Variants in ZNF248 observed in about 807,000 individuals in gnomAD.
ZNF248 encodes KRAB protein domain.
Under a neutral mutation model 44.3 loss-of-function variants are expected in ZNF248, and 20 were observed. The observed-to-expected ratio is 0.45, with a 90% confidence interval of 0.32 to 0.66. The LOEUF is 0.66. Among genes scored for constraint, ZNF248 ranks in the 30% least tolerant of loss-of-function variants. The pLI is 0.04. For synonymous variants in ZNF248, 224 were observed against 229.0 expected (o/e 0.98, Z 0.20); for missense variants, 654 against 677.0 (o/e 0.97, Z 0.38).
At chr10:37,803,525 GC>G (rs2050095005) in intron 6 of ZNF248, 1 of 152,240 alleles carries the variant, frequency 6.6e-6, no homozygotes, top group African/African-American at 2.4e-5. Flanking sequence ...GTACAGGAGT[GC>G]CAAGAATGTC....
At chr10:37,782,998 G>A (rs1245463252) in intron 6 of ZNF248, among the ~76,000 whole-genome samples, 2 of 152,132 alleles carry the variant, frequency 1.3e-5, no homozygotes, top group African/African-American at 4.8e-5. Context: ...ACCAAACCTG[G>A]AAGGCCCTAG....
chr10:37,769,929 A>C, the ZNF248 span, among the ~76,000 whole-genome samples: 2 of 152,232 alleles, frequency 1.3e-5, no homozygotes, highest in African/African-American at 2.4e-5. Flanking sequence ...GCAAGGTCTC[A>C]GGATACAAAA....
rs1186551495 is a variant in ZNF248, at chr10:37,820,441, A to C, written c.330+12584T>G. 6 of 1,574,560 alleles carry C rather than the reference A, an allele frequency of 3.8e-6. 1 individual carries two copies. In the South Asian group the frequency reaches 5.5e-5, roughly 15 times the overall value. On this transcript the variant is annotated intron_variant, in intron 6 of 6. Transcript: ENST00000615949. ...ACTGCTCCTCCGTTGCCTCCTTTGC[A>C]GTGCTGCCATCTAAACCACAGAGGG...
At chr10:37,803,213 C>T (rs2050043242) in intron 6 of ZNF248, 1 of 152,140 alleles carries the variant, frequency 6.6e-6, no homozygotes, top group African/African-American at 2.4e-5. Context: ...CTTTATACAA[C>T]ACTGTCACTT....
At chr10:37,817,125 C>T (rs2052611030) in intron 6 of ZNF248, among the ~76,000 whole-genome samples, 1 of 152,126 alleles carries the variant, frequency 6.6e-6, no homozygotes, top group Non-Finnish European at 1.5e-5. Flanking sequence ...GTAGATGCCA[C>T]TGCCCTCAAA....
intron 5 of ZNF248, among the ~76,000 whole-genome samples, chr10:37,835,005 C>T (rs2056819666): frequency 6.6e-6 from 1 of 151,754 alleles, no homozygotes; most frequent in East Asian, 1.9e-4. Context: ...AAAGTCAGCC[C>T]TTGACACAAA....
chr10:37,780,710 C>G (rs964665993), intron 6 of ZNF248, among the ~76,000 whole-genome samples: 119 of 152,244 alleles, frequency 7.8e-4, no homozygotes, highest in African/African-American at 2.5e-3. Context: ...TGGACGCGCG[C>G]GCACGTGCCC....
intron 5 of ZNF248, among the ~76,000 whole-genome samples, chr10:37,835,673 A>T (rs2134026705): frequency 6.6e-6 from 1 of 152,276 alleles, no homozygotes; most frequent in Non-Finnish European, 1.5e-5. Flanking sequence ...GGAGAACGAG[A>T]AGGAATAAGG....
At chr10:37,819,606 C>CGATACGTAGCA in intron 6 of ZNF248, 1 of 844,308 alleles carries the variant, frequency 1.2e-6, no homozygotes, top group South Asian at 1.3e-5. Context: ...TTTAGTTCCC[C>CGATACGTAGCA]GATACGTAGA....
At chr10:37,847,313 T>G (rs2059488810) in intron 3 of ZNF248, among the ~76,000 whole-genome samples, 1 of 152,178 alleles carries the variant, frequency 6.6e-6, no homozygotes. Flanking sequence ...CACATACATA[T>G]TTTGTGGCTA....
Position 37,831,297 on chromosome 10 carries a change from T to A in ZNF248, c.*318A>T, listed in dbSNP as rs779973381. On this transcript the variant is annotated 3_prime_UTR_variant, in exon 6 of 6. Coordinates refer to ENST00000395867, the MANE Select transcript of ZNF248 (RefSeq NM_021045.3). ...TAATGCTGCTGTCATTCAACTTTTA[T>A]AAGCTTCAGATTCCACTGTGAATAT... 5.2e-6 allele frequency: 8 copies of A among 1,549,612 alleles called. No homozygotes were observed. Among genetic ancestry groups the A allele is most frequent in the Non-Finnish European group, 3.5e-6 (4 of 1,146,256 alleles).
intron 6 of ZNF248, chr10:37,820,517 G>A: frequency 1.2e-6 from 2 of 1,601,844 alleles, no homozygotes; most frequent in Non-Finnish European, 1.7e-6. Flanking sequence ...TTGCGGTGAG[G>A]ATCGTGCAAC....
downstream of ZNF248, among the ~76,000 whole-genome samples, chr10:37,824,858 T>C (rs1167903671): frequency 6.8e-6 from 1 of 147,028 alleles, no homozygotes. Context: ...ATTTTTTTTT[T>C]TTTTTTTTTT....
downstream of ZNF248, among the ~76,000 whole-genome samples, chr10:37,825,237 C>A (rs1165729077): frequency 6.6e-6 from 1 of 151,880 alleles, no homozygotes; most frequent in African/African-American, 2.4e-5. Context: ...TGATGAGCAC[C>A]TCAATTAAAG....
downstream of ZNF248, among the ~76,000 whole-genome samples, chr10:37,826,998 G>A (rs2054482298): frequency 6.6e-6 from 1 of 152,174 alleles, no homozygotes; most frequent in African/African-American, 2.4e-5. Context: ...GGTGAGGTGG[G>A]TTGAAGAGAA....
In ZNF248 at chr10:37,829,910, C is replaced by A. The variant is rs2055164780; in HGVS notation, c.*1705G>T. 2.0e-6 allele frequency: 2 copies of A among 985,248 alleles called. No homozygotes were observed. The highest frequency in any genetic ancestry group is 6.2e-5 in the Admixed American group (1 of 16,250). The allele number at this position is 985,248 out of a possible 1,614,324, so 61.0% of individuals were successfully genotyped here. On this transcript the variant is annotated 3_prime_UTR_variant, in exon 6 of 6. Transcript: ENST00000395867. ...ACTAATCTGGACTTACCACCTAAGT[C>A]ATCTGGGAGAAGGATGCACAAAAAT...
rs115684308 is a variant in ZNF248 at position 37,856,287 on chromosome 10, G to T, written c.15+9C>A. 6.2e-7 allele frequency: 1 copy of T among 1,612,622 alleles called. No homozygotes were observed. The highest frequency in any genetic ancestry group is 8.5e-7 in the Non-Finnish European group (1 of 1,179,096). On this transcript the variant is annotated intron_variant, in intron 3 of 5. Transcript: ENST00000395867. ...AAACAAACTGGGAATAAAGAAACAA[G>T]AATCTCACCTGGGATTTGTTCATTT...
At chr10:37,780,786 G>C (rs541628502) in intron 6 of ZNF248, among the ~76,000 whole-genome samples, 6 of 152,180 alleles carry the variant, frequency 3.9e-5, no homozygotes, top group African/African-American at 1.4e-4. Flanking sequence ...CACTGCCCCC[G>C]AGCCGCGCGG....
chr10:37,779,110 T>G (rs1440019482), intron 6 of ZNF248, among the ~76,000 whole-genome samples: 1 of 151,722 alleles, frequency 6.6e-6, no homozygotes, highest in Non-Finnish European at 1.5e-5. Flanking sequence ...TACCATTCCT[T>G]CTGAAACTAT....
Sources: gnomAD v4.1 joint callset for allele counts (sites outside exome capture counted in the v4.1 genomes callset) on GRCh38, gnomAD v4.1.1 for gene constraint, MANE v1.5 for transcripts, NCBI Gene and HGNC (gene_info 2026-07-23, HGNC 2026-07-21) for gene names.